ZNF446: variants seen among roughly 807,000 people sequenced by gnomAD.
The protein encoded by ZNF446 is zinc finger protein with KRAB and SCAN domains 20.
A neutral mutation model predicts 34.0 loss-of-function variants in ZNF446; 42 were observed. The ratio of observed to expected loss-of-function variants is 1.23; its 90% CI spans 0.96 to 1.60. The LOEUF (loss-of-function observed/expected upper bound fraction) is 1.60, where lower values mean the gene tolerates loss of function less well. ZNF446 is among the 40% of genes most tolerant of loss of function. The probability of loss-of-function intolerance (pLI) is 0.00; values close to 1 mark genes in which losing one functional copy is unlikely to be tolerated. For missense variants in ZNF446, 650 were observed against 600.2 expected, an observed-to-expected ratio of 1.08 and a Z score of -0.87; for synonymous variants, 315 against 251.0, an observed-to-expected ratio of 1.25 and a Z score of -2.41.
At chr19:58,486,562 C>T in the ZNF446 span, among the ~76,000 whole-genome samples, 4 of 151,786 alleles carry the variant, frequency 2.6e-5, no homozygotes, top group Admixed American at 6.6e-5. Flanking sequence ...CCCCCGCCAC[C>T]GCACCCGGCT....
chr19:58,483,915 C>T (rs982680416), downstream of ZNF446: 24 of 152,092 alleles, frequency 1.6e-4, no homozygotes, highest in African/African-American at 5.6e-4. Context: ...CTACCAAGAC[C>T]AAAGAATTTC....
chr19:58,481,188 C>A lies in ZNF446; in HGVS notation c.*462C>A. On this transcript the variant is annotated 3_prime_UTR_variant, in exon 7 of 7. Coordinates refer to ENST00000594369, the MANE Select transcript of ZNF446 (RefSeq NM_017908.4). ...AGTTGGCTTCCGTTTCTCCTGCTCCCTGTGTGTGTTAGAATTTTAACATAA... is the reference window on the plus strand; with the variant it reads ...AGTTGGCTTCCGTTTCTCCTGCTCCATGTGTGTGTTAGAATTTTAACATAA... 6.0e-6 allele frequency: 1 copy of A among 166,656 alleles called. No individual in the cohort carries two copies. 10.3% of individuals were successfully genotyped at this position (166,656 alleles called of 1,614,324 possible). A position where few individuals can be genotyped will look rare whatever the true frequency, so the allele number is the denominator to read the frequency against.
At chr19:58,481,833 G>A (rs1216991086), downstream of ZNF446, among the ~76,000 whole-genome samples, 2 of 152,092 alleles carry the variant, frequency 1.3e-5, no homozygotes. Context: ...TCGCTCAGTT[G>A]CCCAGGCTGC....
At chr19:58,486,721 G>GC in the ZNF446 span, among the ~76,000 whole-genome samples, 1 of 149,928 alleles carries the variant, frequency 6.7e-6, no homozygotes, top group Non-Finnish European at 1.5e-5. Context: ...TTTTTTTGGG[G>GC]GGGGGCGGGG....
chr19:58,478,093 C>G lies in ZNF446; in HGVS notation c.539C>G (p.Ser180Cys), dbSNP rs1290680396. The G allele has an allele frequency of 6.2e-7, 1 of 1,613,282 alleles. No homozygotes were observed. The change falls in exon 4 of 7, where the codon TCC becomes TGC. Residue 180 changes from serine (S) to cysteine (C), a missense_variant. Physicochemically the swap from Ser to Cys is moderately radical, Grantham distance 112. Transcript: ENST00000594369. ...CATCTGCCCCACTTTTCAGCACCCT[C>G]CAGCCCTCCACTTGCAGCACAGTCC... The part of the protein sequence containing the change: ...PNVDGQEVAP[S>C]SPPLAAQSPE...
chr19:58,481,992 C>T (rs1356287118), downstream of ZNF446, among the ~76,000 whole-genome samples: 1 of 152,046 alleles, frequency 6.6e-6, no homozygotes, highest in Non-Finnish European at 1.5e-5. Context: ...GACGGGGTTT[C>T]ACCGTGTTAG....
chr19:58,488,919 C>A, the ZNF446 span, among the ~76,000 whole-genome samples: 175 of 151,200 alleles, frequency 1.2e-3, no homozygotes, highest in Non-Finnish European at 1.9e-3. Flanking sequence ...AATACCAGGA[C>A]CTGTGCATAT....
At chr19:58,477,883 T>C in intron 3 of ZNF446, 57 bp downstream of exon 3, 1 of 1,460,336 alleles carries the variant, frequency 6.8e-7, no homozygotes, top group Non-Finnish European at 9.1e-7. Context: ...TGGACATTCC[T>C]GGCTAGGGTG....
Position 58,479,919 on chromosome 19 carries a change from C to A in ZNF446, c.713-11C>A, listed in dbSNP as rs200079201. 50 of 1,560,186 alleles carry A rather than the reference C, an allele frequency of 3.2e-5. No individual in the cohort carries two copies. The highest frequency in any genetic ancestry group is 5.4e-5 in the African/African-American group (4 of 73,862). ...AAACCCCATGCCTAACTGTGCCCCC[C>A]ACCCGGGCAGGGTTACCGCCCCACC... On this transcript the variant is annotated splice_polypyrimidine_tract_variant and intron_variant, in intron 5 of 6. Transcript: ENST00000594369.
chr19:58,476,831 ACT>A (rs2053090350), intron 1 of ZNF446, among the ~76,000 whole-genome samples: 1 of 151,892 alleles, frequency 6.6e-6, no homozygotes, highest in Non-Finnish European at 1.5e-5. Context: ...TCGGCTAGAC[ACT>A]GTGGCTCCTC....
At chr19:58,482,630 C>G (rs2053148264), downstream of ZNF446, among the ~76,000 whole-genome samples, 1 of 152,222 alleles carries the variant, frequency 6.6e-6, no homozygotes, top group Non-Finnish European at 1.5e-5. Context: ...CTGCTGCGGC[C>G]TGAAGCTGGG....
Position 58,481,219 on chromosome 19 carries a change from A to T in ZNF446, c.*493A>T, listed in dbSNP as rs1036192718. 3 of 157,642 alleles carry T rather than the reference A, an allele frequency of 1.9e-5. No homozygotes were observed. Among genetic ancestry groups the T allele is most frequent in the African/African-American group, 7.2e-5 (3 of 41,552 alleles). The allele number at this position is 157,642 out of a possible 1,614,324, so 9.8% of individuals were successfully genotyped here. On this transcript the variant is annotated 3_prime_UTR_variant, in exon 7 of 7. Transcript: ENST00000594369. The stretch of plus-strand genomic sequence containing the variant: ...GTGTTAGAATTTTAACATAAATTCC[A>T]CTTTCATAATATGGAGTTTCTGAAT...
Position 58,480,397 on chromosome 19 carries a change from G to C in ZNF446, c.1024G>C (p.Asp342His). The C allele has an allele frequency of 6.2e-7, 1 of 1,612,256 alleles. No homozygotes were observed. The highest frequency in any genetic ancestry group is 1.1e-5 in the South Asian group (1 of 90,972). ...GTGCGAGCAGTGTGGCCGCGGCTTC[G>C]ACTGGAAGTCAGTGTTCGTCATCCA... ...YTCEQCGRGF[D>H]WKSVFVIHHR... Residue 342 changes from aspartate to histidine, a missense_variant, in exon 7 of 7, where the codon GAC becomes CAC. Asp to His is a moderately conservative substitution (Grantham distance 81). Transcript: ENST00000594369. This position sits in a 1 kb window ranked among gnomAD's most constrained non-coding sequence, Gnocchi z 7.2.
At chr19:58,482,747 A>C (rs2053148943), downstream of ZNF446, among the ~76,000 whole-genome samples, 1 of 152,012 alleles carries the variant, frequency 6.6e-6, no homozygotes, top group Non-Finnish European at 1.5e-5. Context: ...CAGTTTGGAG[A>C]TGGAGCTGGG....
At chr19:58,482,849 C>G (rs934112131), downstream of ZNF446, among the ~76,000 whole-genome samples, 2 of 152,106 alleles carry the variant, frequency 1.3e-5, no homozygotes, top group Non-Finnish European at 2.9e-5. Flanking sequence ...CCAGCTAGGC[C>G]CCAGCCCAGA....
At chr19:58,481,967 T>C (rs531146129), downstream of ZNF446, among the ~76,000 whole-genome samples, 13 of 152,188 alleles carry the variant, frequency 8.5e-5, no homozygotes, top group South Asian at 2.7e-3. Flanking sequence ...CTAATTTTTT[T>C]GCATTTTTAG....
chr19:58,476,845 G>C (rs959683500), intron 1 of ZNF446, among the ~76,000 whole-genome samples: 1 of 152,088 alleles, frequency 6.6e-6, no homozygotes, highest in Non-Finnish European at 1.5e-5. Context: ...TGGCTCCTCA[G>C]CCTGGCGCTG....
chr19:58,481,494 AG>A (rs1484262074), downstream of ZNF446, among the ~76,000 whole-genome samples: 2 of 152,140 alleles, frequency 1.3e-5, no homozygotes, highest in African/African-American at 4.8e-5. Flanking sequence ...CGGCTGGACA[AG>A]GGGGACCTCT....
At chr19:58,478,770 G>T (rs147019173) in intron 4 of ZNF446, among the ~76,000 whole-genome samples, 156 of 152,192 alleles carry the variant, frequency 1.0e-3, no homozygotes, top group African/African-American at 3.6e-3. Flanking sequence ...GAAGTCAGCT[G>T]GGAGGTTTGC....
Sources: allele counts gnomAD v4.1 joint callset (sites outside exome capture counted in the v4.1 genomes callset), GRCh38; gene constraint gnomAD v4.1.1; non-coding constraint Gnocchi (gnomAD v3.1); transcripts MANE v1.5; gene names NCBI Gene and HGNC (gene_info 2026-07-23, HGNC 2026-07-21).